The following TEX11 variants were observed in gnomAD, a reference collection of about 807,000 sequenced individuals.
The protein encoded by TEX11 is testis-expressed protein 11.
In TEX11, 7 loss-of-function variants were observed where a neutral mutation model predicts 84.4. The observed-to-expected ratio is 0.08, with a 90% CI of 0.05 to 0.16. The LOEUF (loss-of-function observed/expected upper bound fraction) is 0.16, where lower values mean the gene tolerates loss of function less well. Among genes scored for constraint, TEX11 ranks in the 10% least tolerant of loss-of-function variants. The pLI, the probability that TEX11 is intolerant of heterozygous loss-of-function variation, is 1.00. For missense variants in TEX11, 551 were observed against 660.5 expected (o/e 0.83, Z 1.82); for synonymous variants, 264 against 222.8 (o/e 1.18, Z -1.64).
chrX:70,525,894 T>A (rs937663120), downstream of TEX11, among the ~76,000 whole-genome samples: 6 of 111,470 alleles, frequency 5.4e-5, no homozygotes, highest in East Asian at 1.4e-3. Flanking sequence ...GTGAGCCCGG[T>A]GAGTCAACAA....
At chrX:70,828,806 C>T (rs1328166973) in intron 8 of TEX11, among the ~76,000 whole-genome samples, 1 of 110,907 alleles carries the variant, frequency 9.0e-6, no homozygotes, top group East Asian at 2.8e-4. Flanking sequence ...TAATCAAACT[C>T]CCAAAGGTCA....
chrX:70,771,725 G>A (rs1476471015), intron 9 of TEX11, among the ~76,000 whole-genome samples: 5 of 111,573 alleles, frequency 4.5e-5, no homozygotes, highest in Non-Finnish European at 9.4e-5. Flanking sequence ...CTGTATCTAT[G>A]TCTGGAACTC....
At chrX:70,750,347 T>C (rs2090805964) in intron 9 of TEX11, among the ~76,000 whole-genome samples, 1 of 111,666 alleles carries the variant, frequency 9.0e-6, no homozygotes, top group African/African-American at 3.3e-5. Flanking sequence ...AGTTCAACCA[T>C]TGTGGAAGTC....
intron 2 of TEX11, among the ~76,000 whole-genome samples, chrX:70,905,888 C>T (rs916591635): frequency 3.8e-4 from 39 of 103,071 alleles, no homozygotes; most frequent in Non-Finnish European, 6.9e-4. Flanking sequence ...CCCGTTTCTA[C>T]TAAAAATACA....
intron 13 of TEX11, among the ~76,000 whole-genome samples, chrX:70,691,262 C>CA (rs202219228): frequency 2.3e-4 from 26 of 110,756 alleles, no homozygotes; most frequent in Admixed American, 3.8e-4. Flanking sequence ...GGCAGTTTCT[C>CA]AAAAAAAATT....
chrX:70,565,155 G>C (rs1197677790), intron 25 of TEX11, among the ~76,000 whole-genome samples: 1 of 111,078 alleles, frequency 9.0e-6, no homozygotes, highest in Non-Finnish European at 1.9e-5. Flanking sequence ...CTGATGGCCA[G>C]TGATGGTGAG....
intron 7 of TEX11, among the ~76,000 whole-genome samples, chrX:70,836,040 C>T (rs965366968): frequency 1.9e-5 from 2 of 104,270 alleles, no homozygotes; most frequent in East Asian, 3.1e-4. Context: ...CGCTTGAACC[C>T]GGGAAGCAGA....
intron 2 of TEX11, among the ~76,000 whole-genome samples, chrX:70,888,238 G>A (rs970698712): frequency 8.9e-6 from 1 of 112,249 alleles, no homozygotes; most frequent in African/African-American, 3.2e-5. Context: ...AAGGCACTAG[G>A]GACCAACCTG....
At chrX:70,869,518 T>C (rs2091619347) in intron 4 of TEX11, among the ~76,000 whole-genome samples, 2 of 112,164 alleles carry the variant, frequency 1.8e-5, no homozygotes, top group Non-Finnish European at 3.8e-5. Context: ...CTTAACTTCA[T>C]AGCAACATTT....
At chrX:70,529,662 G>A (rs2087858702) in intron 29 of TEX11, among the ~76,000 whole-genome samples, 173 bp downstream of exon 29, 1 of 111,548 alleles carries the variant, frequency 9.0e-6, no homozygotes, top group Non-Finnish European at 1.9e-5. Flanking sequence ...TTGCTCTAAG[G>A]AATTACTGTT....
chrX:70,621,202 C>A (rs2089379831), intron 20 of TEX11, among the ~76,000 whole-genome samples: 1 of 109,209 alleles, frequency 9.2e-6, no homozygotes, highest in African/African-American at 3.3e-5. Flanking sequence ...GTTAGCTTTT[C>A]TGTGAACCTA....
chrX:70,893,615 G>A (rs1306700126), intron 2 of TEX11, among the ~76,000 whole-genome samples: 5 of 111,527 alleles, frequency 4.5e-5, no homozygotes, highest in African/African-American at 1.3e-4. Flanking sequence ...TGCCCACATC[G>A]GAAAGCTGGA....
At chrX:70,850,013 G>T (rs1290602880) in intron 7 of TEX11, among the ~76,000 whole-genome samples, 1 of 111,609 alleles carries the variant, frequency 9.0e-6, no homozygotes. Flanking sequence ...CAAATTTCCA[G>T]TGAAAACAGA....
chrX:70,538,031 GA>G (rs1183681870), intron 28 of TEX11, among the ~76,000 whole-genome samples: 1 of 111,474 alleles, frequency 9.0e-6, no homozygotes, highest in Non-Finnish European at 1.9e-5. Context: ...CTTCTGCTGA[GA>G]AAAAGGGAGT....
chrX:70,513,376 A>G, the TEX11 span, among the ~76,000 whole-genome samples: 7 of 105,328 alleles, frequency 6.6e-5, 1 homozygote, highest in Non-Finnish European at 1.2e-4. Context: ...ATATATATAT[A>G]ATACATAATA....
chrX:70,523,696 C>T, the TEX11 span, among the ~76,000 whole-genome samples: 1 of 108,965 alleles, frequency 9.2e-6, no homozygotes, highest in Non-Finnish European at 1.9e-5. Context: ...GATCTCCTGA[C>T]CTCGTGATCT....
At chrX:70,559,343 A>C (rs1404384906) in intron 25 of TEX11, among the ~76,000 whole-genome samples, 2 of 112,602 alleles carry the variant, frequency 1.8e-5, no homozygotes, top group Non-Finnish European at 3.7e-5. Flanking sequence ...TTTTATTTAA[A>C]TGAAGTGTTC....
intron 9 of TEX11, among the ~76,000 whole-genome samples, chrX:70,747,779 T>C (rs903384248): frequency 1.8e-5 from 2 of 111,504 alleles, no homozygotes; most frequent in Non-Finnish European, 3.8e-5. Flanking sequence ...TTTTTTATTA[T>C]ACTTTAAGTT....
intron 3 of TEX11, among the ~76,000 whole-genome samples, chrX:70,874,119 C>G (rs954519186): frequency 1.8e-5 from 2 of 110,894 alleles, no homozygotes; most frequent in Non-Finnish European, 3.8e-5. Context: ...TCATGTGATG[C>G]CTGCTCCCTT....
Sources: allele counts gnomAD v4.1 joint callset (sites outside exome capture counted in the v4.1 genomes callset), GRCh38; gene constraint gnomAD v4.1.1; transcripts MANE v1.5; gene names NCBI Gene and HGNC (gene_info 2026-07-23, HGNC 2026-07-21).